Variants in IDNK observed in about 807,000 individuals in gnomAD.
IDNK encodes the protein gluconokinase.
IDNK carries 9 observed loss-of-function variants against 13.0 expected under a neutral mutation model. The ratio of observed to expected loss-of-function variants is 0.69; its 90% CI spans 0.42 to 1.21. IDNK has a LOEUF of 1.21. Ranked by LOEUF, IDNK falls within the 50% of genes most tolerant of loss-of-function variation. IDNK has a pLI of 0.00. For missense variants in IDNK, 210 were observed against 237.8 expected (o/e 0.88, Z 0.77); for synonymous variants, 92 against 94.9 (o/e 0.97, Z 0.18).
chr9:83,642,538 T>C (rs780342577), intron 4 of IDNK, among the ~76,000 whole-genome samples: 1 of 149,100 alleles, frequency 6.7e-6, no homozygotes, highest in Non-Finnish European at 1.5e-5. Context: ...CATTTTTATA[T>C]TTGCTAGCCA....
chr9:83,623,121 G>C (rs1830743119), upstream of IDNK: 1 of 1,395,576 alleles, frequency 7.2e-7, no homozygotes, highest in African/African-American at 1.5e-5. Flanking sequence ...CGCCGGGTAG[G>C]CCGGGGCCGG....
chr9:83,627,682 CATG>C (rs1830892773), intron 1 of IDNK, among the ~76,000 whole-genome samples: 6 of 152,094 alleles, frequency 3.9e-5, no homozygotes, highest in Admixed American at 3.9e-4. Flanking sequence ...GATATTGACC[CATG>C]TCCTTTATTT....
chr9:83,626,917 C>A, intron 1 of IDNK: 1 of 902,028 alleles, frequency 1.1e-6, no homozygotes, highest in Non-Finnish European at 1.4e-6. Context: ...ACAACTGTGT[C>A]TAACACCTCT....
chr9:83,625,555 T>A (rs1211433223), intron 1 of IDNK, among the ~76,000 whole-genome samples: 1 of 152,238 alleles, frequency 6.6e-6, no homozygotes, highest in African/African-American at 2.4e-5. Context: ...ATGTGTCCAA[T>A]GTTATTGACT....
At chr9:83,636,920 T>C (rs1445734936) in intron 3 of IDNK, among the ~76,000 whole-genome samples, 1 of 152,242 alleles carries the variant, frequency 6.6e-6, no homozygotes, top group Non-Finnish European at 1.5e-5. Flanking sequence ...TCTGCAAATA[T>C]GGAGCTGGTA....
chr9:83,633,571 C>T (rs774028442), intron 3 of IDNK, among the ~76,000 whole-genome samples: 3 of 152,284 alleles, frequency 2.0e-5, no homozygotes, highest in Non-Finnish European at 4.4e-5. Flanking sequence ...CCAGTGCCTA[C>T]CAAATTCATG....
At chr9:83,635,321 C>G (rs1831134863) in intron 3 of IDNK, among the ~76,000 whole-genome samples, 1 of 152,180 alleles carries the variant, frequency 6.6e-6, no homozygotes, top group South Asian at 2.1e-4. Flanking sequence ...ACATTAGTAC[C>G]CACATTTTCA....
chr9:83,643,883 C>A lies in IDNK; in HGVS notation c.*103C>A. ...TGCCCATACTAGATTCTAAATGTTTCTAAAGGCAAACCCCAATGTGTCAAG... is the reference window on the plus strand; with the variant it reads ...TGCCCATACTAGATTCTAAATGTTTATAAAGGCAAACCCCAATGTGTCAAG... On this transcript the variant is annotated 3_prime_UTR_variant, in exon 5 of 5. Coordinates refer to ENST00000376419, the MANE Select transcript of IDNK (RefSeq NM_001001551.4). 1.2e-6 allele frequency: 1 copy of A among 807,540 alleles called. No homozygotes were observed. Among genetic ancestry groups the A allele is most frequent in the Non-Finnish European group, 1.9e-6 (1 of 521,680 alleles). 50.0% of individuals were successfully genotyped at this position (807,540 alleles called of 1,614,324 possible). A position where few individuals can be genotyped will look rare whatever the true frequency, so the allele number is the denominator to read the frequency against.
chr9:83,643,744 A>C lies in IDNK; in HGVS notation c.528A>C (p.Ile176=). Reference sequence around the variant, plus strand: ...GTGTGGACAAAAATGTTTCAGAGATAATTGCTACAATTATGGAAACCCTAA... The same window carrying C: ...GTGTGGACAAAAATGTTTCAGAGATCATTGCTACAATTATGGAAACCCTAA... ...QISVDKNVSE[I]IATIMETLKM... is the part of the protein sequence containing the mutation. Residue 176 remains isoleucine (I), a synonymous_variant, in exon 5 of 5, where the codon ATA becomes ATC. Transcript: ENST00000376419. The C allele has an allele frequency of 6.2e-7, 1 of 1,612,472 alleles. No individual in the cohort carries two copies. The highest frequency in any genetic ancestry group is 2.2e-5 in the East Asian group (1 of 44,876).
At chr9:83,643,361 T>C in intron 4 of IDNK, 68 bp from the exon 5 acceptor site, 1 of 1,272,244 alleles carries the variant, frequency 7.9e-7, no homozygotes, top group Middle Eastern at 1.9e-4. Context: ...GCAACTAGAA[T>C]TGACAGAGGT....
chr9:83,626,091 C>A (rs1309625489), intron 1 of IDNK, among the ~76,000 whole-genome samples: 1 of 152,196 alleles, frequency 6.6e-6, no homozygotes, highest in Non-Finnish European at 1.5e-5. Context: ...TTCTGCATCC[C>A]TTCCTTCTCC....
intron 3 of IDNK, among the ~76,000 whole-genome samples, chr9:83,640,916 T>A (rs1831287439): frequency 6.6e-6 from 1 of 152,198 alleles, no homozygotes; most frequent in South Asian, 2.1e-4. Flanking sequence ...TGCTTTTCAG[T>A]GTGTTTAAAT....
At chr9:83,642,573 AAAGC>A (rs1463231865) in intron 4 of IDNK, among the ~76,000 whole-genome samples, 105 of 151,928 alleles carry the variant, frequency 6.9e-4, no homozygotes, top group African/African-American at 2.4e-3. Flanking sequence ...AAAAAAAAAA[AAAGC>A]AGGGGAGGCC....
At chr9:83,636,906 G>A (rs1425901288) in intron 3 of IDNK, among the ~76,000 whole-genome samples, 1 of 152,198 alleles carries the variant, frequency 6.6e-6, no homozygotes, top group East Asian at 1.9e-4. Flanking sequence ...AATTGACCAT[G>A]TGGTCTGCAA....
At chr9:83,623,433 T>C in intron 1 of IDNK, 1 of 557,550 alleles carries the variant, frequency 1.8e-6, no homozygotes, top group South Asian at 2.0e-5. Context: ...GCATCCGAGC[T>C]CCGGGTTCCC....
chr9:83,634,625 A>G (rs1333242769), intron 3 of IDNK, among the ~76,000 whole-genome samples: 1 of 152,236 alleles, frequency 6.6e-6, no homozygotes, highest in African/African-American at 2.4e-5. Context: ...AATGAAAAGT[A>G]TATTTGTTTC....
At chr9:83,628,829 G>T in intron 2 of IDNK, 44 bp from the exon 3 acceptor site, 1 of 1,320,258 alleles carries the variant, frequency 7.6e-7, no homozygotes, top group Non-Finnish European at 1.1e-6. Context: ...TATCACATTG[G>T]CCCATCTGCC....
In IDNK at chr9:83,644,116, T is replaced by G; in HGVS notation, c.*336T>G. On this transcript the variant is annotated 3_prime_UTR_variant, in exon 5 of 5. Coordinates refer to ENST00000376419, the MANE Select transcript of IDNK (RefSeq NM_001001551.4). ...TGTATTTGCACAAATAAATGAAACT[T>G]CGCTGTCCTTGGCATTCCCTGGAAA... 1 of 260,242 alleles carries G rather than the reference T, an allele frequency of 3.8e-6. No individual in the cohort carries two copies. The highest frequency in any genetic ancestry group is 5.1e-5 in the Admixed American group (1 of 19,588). The allele number at this position is 260,242 out of a possible 1,614,324, so 16.1% of individuals were successfully genotyped here. A position where few individuals can be genotyped will look rare whatever the true frequency, so the allele number is the denominator to read the frequency against.
chr9:83,630,304 A>G (rs1161340881), intron 3 of IDNK, among the ~76,000 whole-genome samples: 2 of 152,208 alleles, frequency 1.3e-5, no homozygotes, highest in African/African-American at 4.8e-5. Context: ...TAGAACTATA[A>G]AAGAGAGTAA....
Sources: gnomAD v4.1 joint callset for allele counts (sites outside exome capture counted in the v4.1 genomes callset) on GRCh38, gnomAD v4.1.1 for gene constraint, MANE v1.5 for transcripts, NCBI Gene and HGNC (gene_info 2026-07-23, HGNC 2026-07-21) for gene names.